Variants in SENP5 observed in about 807,000 individuals in gnomAD.
SENP5 encodes the protein sentrin-specific protease 5.
In SENP5, 21 loss-of-function variants were observed where a neutral mutation model predicts 74.2. The ratio of observed to expected loss-of-function variants is 0.28; its 90% CI spans 0.20 to 0.41. The LOEUF is 0.41. Ranked by LOEUF, SENP5 falls within the 10% of genes least tolerant of loss-of-function variation. The pLI is 1.00. For missense variants in SENP5, 717 were observed against 889.1 expected (o/e 0.81, Z 2.46); for synonymous variants, 311 against 312.7 (o/e 0.99, Z 0.06).
At chr3:196,908,364 G>A (rs1460637345) in intron 6 of SENP5, among the ~76,000 whole-genome samples, 6 of 152,112 alleles carry the variant, frequency 3.9e-5, no homozygotes, top group African/African-American at 1.2e-4. Flanking sequence ...AGAAATTAAG[G>A]CAGAAATCAA....
intron 6 of SENP5, among the ~76,000 whole-genome samples, chr3:196,907,099 GACA>G (rs1223719279): frequency 1.3e-5 from 2 of 152,140 alleles, no homozygotes; most frequent in African/African-American, 2.4e-5. Context: ...AAAAATGTAG[GACA>G]ACTAGTAGAG....
intron 2 of SENP5, among the ~76,000 whole-genome samples, chr3:196,889,194 A>T (rs1017981551): frequency 6.9e-6 from 1 of 145,420 alleles, no homozygotes; most frequent in African/African-American, 2.6e-5. Context: ...CTAGCAAATT[A>T]AAAAAAAAAA....
chr3:196,914,586 A>AATATATATATAT (rs55692471), intron 6 of SENP5: 42 of 33,448 alleles, frequency 1.3e-3, no homozygotes, highest in African/African-American at 1.4e-3. Context: ...AAAAAAAAAA[A>AATATATATATAT]ATATATATAT....
At chr3:196,902,384 G>A (rs1714735485) in intron 5 of SENP5, among the ~76,000 whole-genome samples, 1 of 152,280 alleles carries the variant, frequency 6.6e-6, no homozygotes, top group African/African-American at 2.4e-5. Context: ...TCTCACCTCT[G>A]CCTCTCAAAA....
Position 196,903,522 on chromosome 3 carries a change from G to A in SENP5, c.1807-11G>A. On this transcript the variant is annotated splice_polypyrimidine_tract_variant and intron_variant, in intron 5 of 9. Transcript: ENST00000323460. ...TATAATCTGGTTGCTTGTGTTTGTT[G>A]TCTGTTCTAGGTTCACTTCTTCAAC... 1 of 1,581,146 alleles carries A rather than the reference G, an allele frequency of 6.3e-7. No individual in the cohort carries two copies. Among genetic ancestry groups the A allele is most frequent in the Non-Finnish European group, 8.6e-7 (1 of 1,163,158 alleles).
At chr3:196,921,725 T>A (rs554573777) in intron 6 of SENP5, among the ~76,000 whole-genome samples, 1 of 152,312 alleles carries the variant, frequency 6.6e-6, no homozygotes, top group South Asian at 2.1e-4. Flanking sequence ...ATGCAGAAAC[T>A]GAAAAGCTTA....
At chr3:196,925,014 A>G (rs969079807) in intron 7 of SENP5, among the ~76,000 whole-genome samples, 2 of 152,236 alleles carry the variant, frequency 1.3e-5, no homozygotes, top group Admixed American at 1.3e-4. Context: ...ATAGTACACA[A>G]ATACATGCAG....
chr3:196,905,497 G>T (rs1361589929), intron 6 of SENP5, among the ~76,000 whole-genome samples: 4 of 152,148 alleles, frequency 2.6e-5, no homozygotes, highest in African/African-American at 9.7e-5. Context: ...TTCAAGTGAG[G>T]GTTCCCATGC....
chr3:196,923,400 C>T lies in SENP5; in HGVS notation c.1885-14C>T. ...TGTGGTGATGGCTGCATTTCTTTCT[C>T]TTTTCTTGATCAGGTGGATTTGTTT... is the stretch of plus-strand genomic sequence containing the variant. On this transcript the variant is annotated splice_polypyrimidine_tract_variant and intron_variant, in intron 6 of 9. Transcript: ENST00000323460. 2 of 1,591,644 alleles carry T rather than the reference C, an allele frequency of 1.3e-6. No homozygotes were observed. Among genetic ancestry groups the T allele is most frequent in the Non-Finnish European group, 8.5e-7 (1 of 1,173,290 alleles).
intron 2 of SENP5, among the ~76,000 whole-genome samples, chr3:196,887,551 G>A (rs1279545535): frequency 6.6e-6 from 1 of 151,500 alleles, no homozygotes; most frequent in East Asian, 1.9e-4. Context: ...AATGTACCAG[G>A]CACTGTGCTG....
chr3:196,899,339 C>T (rs780820168), intron 2 of SENP5, among the ~76,000 whole-genome samples: 2 of 152,120 alleles, frequency 1.3e-5, no homozygotes, highest in African/African-American at 2.4e-5. Context: ...TTAGAAGTCA[C>T]GCTTTAAGAG....
At chr3:196,926,450 C>T (rs1300123809) in intron 7 of SENP5, among the ~76,000 whole-genome samples, 1 of 147,836 alleles carries the variant, frequency 6.8e-6, no homozygotes, top group Non-Finnish European at 1.5e-5. Context: ...CCACTACACT[C>T]TAGCCTGGGT....
intron 2 of SENP5, among the ~76,000 whole-genome samples, chr3:196,897,382 C>A (rs1384492054): frequency 1.3e-5 from 2 of 152,158 alleles, no homozygotes; most frequent in African/African-American, 4.8e-5. Context: ...TTATCTGATA[C>A]CCTGATGAAG....
At chr3:196,894,400 A>G (rs1314257319) in intron 2 of SENP5, among the ~76,000 whole-genome samples, 2 of 151,946 alleles carry the variant, frequency 1.3e-5, no homozygotes, top group African/African-American at 2.4e-5. Flanking sequence ...TGGGATTACA[A>G]ATGTGAGCTA....
At chr3:196,876,443 G>A (rs1308797673) in intron 1 of SENP5, among the ~76,000 whole-genome samples, 11 of 151,524 alleles carry the variant, frequency 7.3e-5, no homozygotes, top group African/African-American at 2.4e-4. Flanking sequence ...GCGTGAACCC[G>A]GGAGGCGGAG....
chr3:196,884,454 T>A (rs1265325186), intron 1 of SENP5, among the ~76,000 whole-genome samples: 1 of 152,194 alleles, frequency 6.6e-6, no homozygotes, highest in Non-Finnish European at 1.5e-5. Flanking sequence ...GGCTCTTTAG[T>A]CTAGAAAGAA....
intron 7 of SENP5, among the ~76,000 whole-genome samples, chr3:196,925,435 G>A (rs964157497): frequency 6.6e-6 from 1 of 152,146 alleles, no homozygotes. Flanking sequence ...ATACCTGCCA[G>A]AGCCTGTCTA....
chr3:196,903,628 T>A lies in SENP5; in HGVS notation c.1884+18T>A. The A allele has an allele frequency of 6.6e-7, 1 of 1,507,792 alleles. No individual in the cohort carries two copies. The highest frequency in any genetic ancestry group is 9.1e-7 in the Non-Finnish European group (1 of 1,100,582). The allele number at this position is 1,507,792 out of a possible 1,614,324, so 93.4% of individuals were successfully genotyped here. ...CTAAAAAGGTATTCTCTTTATTTCT[T>A]TTTTATTCCAAATTTGAAACGCAGA... On this transcript the variant is annotated intron_variant, in intron 6 of 9. Coordinates refer to ENST00000323460, the MANE Select transcript of SENP5 (RefSeq NM_152699.5).
At chr3:196,913,027 T>A (rs1233430120) in intron 6 of SENP5, 1 of 152,156 alleles carries the variant, frequency 6.6e-6, no homozygotes, top group Non-Finnish European at 1.5e-5. Flanking sequence ...AAAGGAGATA[T>A]AATGACCAAT....
Sources: gnomAD v4.1 joint callset for allele counts (sites outside exome capture counted in the v4.1 genomes callset) on GRCh38, gnomAD v4.1.1 for gene constraint, MANE v1.5 for transcripts, NCBI Gene and HGNC (gene_info 2026-07-23, HGNC 2026-07-21) for gene names.